KCTD8: variants seen among roughly 807,000 people sequenced by gnomAD.
The protein encoded by KCTD8 is potassium channel tetramerization domain containing 8.
In KCTD8, 27 loss-of-function variants were observed where a neutral mutation model predicts 31.5. The ratio of observed to expected loss-of-function variants is 0.86; its 90% CI spans 0.63 to 1.18. The LOEUF (loss-of-function observed/expected upper bound fraction) is 1.18. Ranked by LOEUF, KCTD8 falls within the 50% of genes most tolerant of loss-of-function variation. The pLI, the probability that KCTD8 is intolerant of heterozygous loss-of-function variation, is 0.00. For synonymous variants in KCTD8, 290 were observed against 280.0 expected (o/e 1.04, Z -0.36); for missense variants, 658 against 647.7 (o/e 1.02, Z -0.17).
intron 1 of KCTD8, among the ~76,000 whole-genome samples, chr4:44,208,175 C>A (rs1342984958): frequency 6.6e-6 from 1 of 152,120 alleles, no homozygotes; most frequent in African/African-American, 2.4e-5. Context: ...TCAAATTCCC[C>A]AGCAATTATC....
intron 1 of KCTD8, among the ~76,000 whole-genome samples, chr4:44,268,717 T>C (rs1370691625): frequency 2.0e-5 from 3 of 152,136 alleles, no homozygotes; most frequent in Admixed American, 6.5e-5. Context: ...AAAACCAATG[T>C]ACAAAAATCA....
intron 1 of KCTD8, among the ~76,000 whole-genome samples, chr4:44,181,383 T>C (rs1431326247): frequency 6.6e-6 from 1 of 152,188 alleles, no homozygotes; most frequent in East Asian, 1.9e-4. Context: ...GTGCCTGCGA[T>C]TGCAGGCGCG....
chr4:44,301,793 A>G (rs1717632025), intron 1 of KCTD8, among the ~76,000 whole-genome samples: 1 of 152,184 alleles, frequency 6.6e-6, no homozygotes. Flanking sequence ...GTCCTTGCCC[A>G]TGCCTATGTC....
intron 1 of KCTD8, among the ~76,000 whole-genome samples, chr4:44,319,088 C>G (rs1718219385): frequency 6.6e-6 from 1 of 152,038 alleles, no homozygotes; most frequent in Non-Finnish European, 1.5e-5. Context: ...ACCTGAAGTA[C>G]AAAGAGTATG....
intron 1 of KCTD8, among the ~76,000 whole-genome samples, chr4:44,371,320 A>G (rs1203697863): frequency 2.0e-5 from 3 of 152,154 alleles, no homozygotes; most frequent in Non-Finnish European, 2.9e-5. Context: ...TGTTTTATCA[A>G]CTATCAGGGT....
rs542973746 is a variant in KCTD8 at position 44,443,445 on chromosome 4, A to G, written c.961+4118T>C. Among the ~76,000 whole-genome samples, 112 of 152,330 alleles carry G rather than the reference A, an allele frequency of 7.4e-4. No homozygotes were observed. The Middle Eastern group carries it at 0.01, about 14-fold the overall frequency. On this transcript the variant is annotated intron_variant, in intron 1 of 1. Coordinates refer to ENST00000360029, the MANE Select transcript of KCTD8 (RefSeq NM_198353.3). Reference sequence around the variant, plus strand: ...ATTGAATAGCTGTTTGAATATTTTCAACTCAACTAGTTTTCTTCAACTCAA... The same window carrying G: ...ATTGAATAGCTGTTTGAATATTTTCGACTCAACTAGTTTTCTTCAACTCAA...
intron 1 of KCTD8, among the ~76,000 whole-genome samples, chr4:44,190,005 T>A (rs781071828): frequency 1.3e-5 from 2 of 152,158 alleles, no homozygotes; most frequent in Non-Finnish European, 1.5e-5. Context: ...CCTCAATCAT[T>A]TTCCTCACCT....
At chr4:44,196,941 C>T (rs1037794246) in intron 1 of KCTD8, among the ~76,000 whole-genome samples, 2 of 152,148 alleles carry the variant, frequency 1.3e-5, no homozygotes, top group African/African-American at 2.4e-5. Flanking sequence ...AGTCAGACTG[C>T]CTCACTCCTT....
rs543339782 is a variant in KCTD8, at chr4:44,270,489, T to G, written c.962-95239A>C. On this transcript the variant is annotated intron_variant, in intron 1 of 1. Transcript: ENST00000360029. ...CACACCAGCATGGCAGATATATACA[T>G]GTGTAACTAACCTGCACATTGTGCA... 1.3e-4 allele frequency among the ~76,000 whole-genome samples: 20 copies of G among 152,006 alleles called. No individual in the cohort carries two copies. The East Asian group carries it at 3.5e-3, about 27-fold the overall frequency.
chr4:44,245,375 ATATC>A (rs1715629532), intron 1 of KCTD8, among the ~76,000 whole-genome samples: 1 of 152,130 alleles, frequency 6.6e-6, no homozygotes, highest in Non-Finnish European at 1.5e-5. Flanking sequence ...CAAAATGCAC[ATATC>A]TATTATGTTT....
At chr4:44,426,035 T>C (rs980690292) in intron 1 of KCTD8, among the ~76,000 whole-genome samples, 2 of 150,966 alleles carry the variant, frequency 1.3e-5, no homozygotes, top group African/African-American at 4.9e-5. Context: ...AAAAAGTGTC[T>C]AGAAACCAAG....
At chr4:44,288,546 A>C (rs1560416192) in intron 1 of KCTD8, among the ~76,000 whole-genome samples, 1 of 152,256 alleles carries the variant, frequency 6.6e-6, no homozygotes, top group Non-Finnish European at 1.5e-5. Flanking sequence ...GCAAGGAAGT[A>C]GTAGATACTT....
chr4:44,420,893 A>G (rs1487226502), intron 1 of KCTD8, among the ~76,000 whole-genome samples: 2 of 152,110 alleles, frequency 1.3e-5, no homozygotes, highest in South Asian at 4.1e-4. Flanking sequence ...AGTTAAATTA[A>G]ATAGTTTAAA....
chr4:44,331,271 T>C (rs1718584803), intron 1 of KCTD8, among the ~76,000 whole-genome samples: 1 of 151,868 alleles, frequency 6.6e-6, no homozygotes, highest in South Asian at 2.1e-4. Context: ...GATCCTCTAA[T>C]ATTGTTAGGA....
chr4:44,296,228 T>C (rs6853031), intron 1 of KCTD8, among the ~76,000 whole-genome samples: 138,711 of 152,150 alleles, frequency 0.91, 63,476 homozygotes, highest in East Asian at 1. Flanking sequence ...AGTCCTCCCT[T>C]TTTTTTCTGA....
intron 1 of KCTD8, among the ~76,000 whole-genome samples, chr4:44,262,252 G>A (rs1215250962): frequency 6.6e-6 from 1 of 151,928 alleles, no homozygotes; most frequent in African/African-American, 2.4e-5. Flanking sequence ...TGATTACAGT[G>A]GGTCCAAGAG....
intron 1 of KCTD8, among the ~76,000 whole-genome samples, chr4:44,222,934 A>T (rs777256156): frequency 9.2e-5 from 14 of 152,224 alleles, no homozygotes; most frequent in Admixed American, 1.3e-4. Flanking sequence ...TAAGAGACCC[A>T]TCATGGTCCT....
At chr4:44,340,551 AC>A (rs35012274) in intron 1 of KCTD8, among the ~76,000 whole-genome samples, 104,008 of 150,290 alleles carry the variant, frequency 0.69, 35,983 homozygotes, top group African/African-American at 0.75. Flanking sequence ...CTCATGATCC[AC>A]CCCGCCTCGG....
chr4:44,188,118 G>C (rs1056435837), intron 1 of KCTD8, among the ~76,000 whole-genome samples: 1 of 152,066 alleles, frequency 6.6e-6, no homozygotes, highest in Non-Finnish European at 1.5e-5. Flanking sequence ...CAGATCTTAA[G>C]TGCCTGCCTG....
Sources: gnomAD v4.1 joint callset for allele counts (sites outside exome capture counted in the v4.1 genomes callset) on GRCh38, gnomAD v4.1.1 for gene constraint, MANE v1.5 for transcripts, NCBI Gene and HGNC (gene_info 2026-07-23, HGNC 2026-07-21) for gene names.